The following MYZAP variants were observed in gnomAD, a reference collection of about 807,000 sequenced individuals.
The protein encoded by MYZAP is GRINL1A complex locus upstream.
Under a neutral mutation model 69.4 loss-of-function variants are expected in MYZAP, and 66 were observed. The ratio of observed to expected loss-of-function variants is 0.95; its 90% CI spans 0.78 to 1.17. The LOEUF (loss-of-function observed/expected upper bound fraction) is 1.17. Among genes scored for constraint, MYZAP ranks in the 50% most tolerant of loss-of-function variants. The pLI, the probability that MYZAP is intolerant of heterozygous loss-of-function variation, is 0.00. For missense variants in MYZAP, 611 were observed against 556.2 expected (o/e 1.10, Z -0.99); for synonymous variants, 256 against 205.9 (o/e 1.24, Z -2.09).
chr15:57,664,879 G>T (rs1463289077), intron 11 of MYZAP, among the ~76,000 whole-genome samples: 1 of 152,162 alleles, frequency 6.6e-6, no homozygotes. Flanking sequence ...TGGTAAATAG[G>T]AACTCTCTCT....
At chr15:57,648,092 T>C (rs2037537712) in intron 10 of MYZAP, 1 of 964,374 alleles carries the variant, frequency 1.0e-6, no homozygotes, top group South Asian at 5.0e-5. Context: ...AGTTTCTAAT[T>C]CTAGTGTTTA....
intron 4 of MYZAP, among the ~76,000 whole-genome samples, chr15:57,623,443 A>G (rs1427570863): frequency 6.6e-6 from 1 of 152,186 alleles, no homozygotes; most frequent in Admixed American, 6.5e-5. Context: ...TATCAAGTAG[A>G]GGAAAGTGGA....
intron 6 of MYZAP, among the ~76,000 whole-genome samples, chr15:57,631,941 A>G (rs933879170): frequency 1.3e-5 from 2 of 152,152 alleles, no homozygotes; most frequent in African/African-American, 4.8e-5. Context: ...GCCCACCTGC[A>G]ACTCCACTGA....
chr15:57,600,509 G>C (rs963868385), intron 1 of MYZAP, among the ~76,000 whole-genome samples: 7 of 152,226 alleles, frequency 4.6e-5, no homozygotes, highest in African/African-American at 7.2e-5. Context: ...CATAGGAAGT[G>C]TGTTGAGGAA....
chr15:57,633,920 A>G (rs79326877), intron 8 of MYZAP, among the ~76,000 whole-genome samples, 179 bp downstream of exon 8: 2 of 152,132 alleles, frequency 1.3e-5, no homozygotes, highest in African/African-American at 2.4e-5. Context: ...CATTTTTCCC[A>G]TGATAACTAT....
In MYZAP at chr15:57,626,417, C is replaced by G. The variant is rs59841948; in HGVS notation, c.525+525C>G. On this transcript the variant is annotated intron_variant, in intron 5 of 12. Coordinates refer to ENST00000267853, the MANE Select transcript of MYZAP (RefSeq NM_001018100.5). ...ACAGGGAAACAGAAAGACCCGGTATCTTATATTTGTGAAAATGCATGTTGT... is the reference window on the plus strand; with the variant it reads ...ACAGGGAAACAGAAAGACCCGGTATGTTATATTTGTGAAAATGCATGTTGT... 4.2e-3 allele frequency among the ~76,000 whole-genome samples: 641 copies of G among 152,258 alleles called. 10 individuals are homozygous for G. The highest frequency in any genetic ancestry group is 0.015 in the African/African-American group (606 of 41,550).
chr15:57,598,212 G>A (rs1290547789), intron 1 of MYZAP, among the ~76,000 whole-genome samples: 5 of 152,086 alleles, frequency 3.3e-5, no homozygotes, highest in Non-Finnish European at 7.4e-5. Flanking sequence ...CTCCACAAAA[G>A]GGTCAGAAAC....
intron 11 of MYZAP, among the ~76,000 whole-genome samples, chr15:57,673,310 G>T (rs1437578430): frequency 6.6e-6 from 1 of 152,158 alleles, no homozygotes; most frequent in Non-Finnish European, 1.5e-5. Flanking sequence ...ACTAAGAAGG[G>T]ATAAGGCGAT....
At chr15:57,602,635 C>T (rs1197280127) in intron 1 of MYZAP, among the ~76,000 whole-genome samples, 8 of 152,178 alleles carry the variant, frequency 5.3e-5, no homozygotes, top group South Asian at 2.1e-4. Flanking sequence ...AGCACTCCCG[C>T]GAACTGAGCC....
At chr15:57,639,627 T>C (rs1238850807) in intron 10 of MYZAP, 82 bp downstream of exon 10, 2 of 1,492,196 alleles carry the variant, frequency 1.3e-6, no homozygotes, top group African/African-American at 1.4e-5. Context: ...GCCTTGCCCC[T>C]CCATTTCCTG....
Position 57,625,783 on chromosome 15 carries a change from C to T in MYZAP, c.416C>T (p.Ser139Phe). ...CTGTCTCCTCGATCTGTCCAGGTTT[C>T]CCATGCTCAGCAGGAGTATCTGGAG... Reference protein sequence around the residue: ...IRQLTQELSVSHAQQEYLENH... With the variant: ...IRQLTQELSVFHAQQEYLENH... The change falls in exon 5 of 13, where the codon TCC (serine) becomes TTC (phenylalanine). Residue 139 changes from serine (S) to phenylalanine (F), a missense_variant. Transcript: ENST00000267853. The T allele has an allele frequency of 1.9e-6, 3 of 1,614,078 alleles. No homozygotes were observed. The highest frequency in any genetic ancestry group is 2.5e-6 in the Non-Finnish European group (3 of 1,180,002).
chr15:57,648,451 G>T (rs939184069), intron 10 of MYZAP: 7 of 985,228 alleles, frequency 7.1e-6, no homozygotes, highest in Admixed American at 1.2e-4. Context: ...TACCAGTCAC[G>T]AATGCTTCTC....
At chr15:57,653,793 C>A (rs1301802392) in intron 10 of MYZAP, among the ~76,000 whole-genome samples, 5 of 151,840 alleles carry the variant, frequency 3.3e-5, no homozygotes, top group Non-Finnish European at 7.4e-5. Flanking sequence ...TTGCTTGAGG[C>A]TGGGGGTTTG....
At chr15:57,627,448 GC>G (rs1167341117) in intron 5 of MYZAP, among the ~76,000 whole-genome samples, 4 of 151,336 alleles carry the variant, frequency 2.6e-5, no homozygotes, top group African/African-American at 9.7e-5. Context: ...AGAAGGAGAA[GC>G]CATCTCACAG....
At chr15:57,610,068 G>A (rs1056644450) in intron 2 of MYZAP, among the ~76,000 whole-genome samples, 1 of 152,156 alleles carries the variant, frequency 6.6e-6, no homozygotes, top group Non-Finnish European at 1.5e-5. Context: ...CTTTATGATG[G>A]TAAAGTCCTT....
At chr15:57,629,972 T>TTTTTTTC in intron 6 of MYZAP, 118 bp downstream of exon 6, 34 of 406,278 alleles carry the variant, frequency 8.4e-5, no homozygotes, top group Non-Finnish European at 9.8e-5. Context: ...CTTCATTGGA[T>TTTTTTTC]TTTTTTTTTT....
In MYZAP at chr15:57,684,566, G is replaced by C; in HGVS notation, c.*68G>C. The C allele has an allele frequency of 9.9e-7, 1 of 1,010,594 alleles. No individual in the cohort carries two copies. Among genetic ancestry groups the C allele is most frequent in the Non-Finnish European group, 1.5e-6 (1 of 657,284 alleles). The allele number at this position is 1,010,594 out of a possible 1,614,324, so 62.6% of individuals were successfully genotyped here. A position where few individuals can be genotyped will look rare whatever the true frequency, so the allele number is the denominator to read the frequency against. ...GGAACCCTGTGGCTTCAAATCCTTT[G>C]GGAAGGGTGACTGTTGTTTCCCCTA... On this transcript the variant is annotated 3_prime_UTR_variant, in exon 13 of 13. Transcript: ENST00000267853.
intron 10 of MYZAP, chr15:57,648,134 C>T: frequency 5.1e-6 from 5 of 980,402 alleles, no homozygotes; most frequent in Non-Finnish European, 6.1e-6. Flanking sequence ...ATTTTAAAAT[C>T]TTAGACAATT....
At chr15:57,616,822 C>CTGTTTTTTTTTTTTTTTTTTTTTT (rs2035485710) in intron 2 of MYZAP, among the ~76,000 whole-genome samples, 1 of 50,058 alleles carries the variant, frequency 2.0e-5, no homozygotes, top group Non-Finnish European at 3.5e-5. Flanking sequence ...AAAAAAAGTG[C>CTGTTTTTTTTTTTTTTTTTTTTTT]TTTTTTTTTT....
Sources: gnomAD v4.1 joint callset for allele counts (sites outside exome capture counted in the v4.1 genomes callset) on GRCh38, gnomAD v4.1.1 for gene constraint, MANE v1.5 for transcripts, NCBI Gene and HGNC (gene_info 2026-07-23, HGNC 2026-07-21) for gene names.